Variants in CENPH observed in about 807,000 individuals in gnomAD.
CENPH encodes the protein centromere protein H.
A neutral mutation model predicts 42.9 loss-of-function variants in CENPH; 40 were observed. That is an observed-to-expected ratio of 0.93 (90% CI 0.72 to 1.21). CENPH has a LOEUF of 1.21. Ranked by LOEUF, CENPH falls within the 50% of genes most tolerant of loss-of-function variation. The pLI is 0.00. For missense variants in CENPH, 302 were observed against 292.9 expected, an observed-to-expected ratio of 1.03 and a Z score of -0.23; for synonymous variants, 88 against 96.5, an observed-to-expected ratio of 0.91 and a Z score of 0.52.
chr5:69,197,913 C>CTTT (rs1172938522), intron 5 of CENPH, among the ~76,000 whole-genome samples: 5 of 74,128 alleles, frequency 6.7e-5, no homozygotes, highest in Non-Finnish European at 9.6e-5. Flanking sequence ...TACCTATGAT[C>CTTT]TTTTTTTTTT....
At chr5:69,190,884 C>A (rs930939511) in intron 1 of CENPH, among the ~76,000 whole-genome samples, 1 of 150,920 alleles carries the variant, frequency 6.6e-6, no homozygotes, top group Non-Finnish European at 1.5e-5. Context: ...GAGCAAGACT[C>A]TTGACTCAAA....
chr5:69,195,041 C>G (rs1177691519), intron 3 of CENPH, among the ~76,000 whole-genome samples: 1 of 151,862 alleles, frequency 6.6e-6, no homozygotes, highest in African/African-American at 2.4e-5. Context: ...ACCAGCCTGA[C>G]CAACATGGAG....
chr5:69,204,075 T>G (rs1748107926), intron 7 of CENPH, among the ~76,000 whole-genome samples: 1 of 112,108 alleles, frequency 8.9e-6, no homozygotes, highest in Admixed American at 1.0e-4. Context: ...ATATATAATA[T>G]ATAAATATAT....
intron 2 of CENPH, among the ~76,000 whole-genome samples, 199 bp from the exon 3 acceptor site, chr5:69,194,448 A>C (rs573050785): frequency 2.0e-5 from 3 of 152,354 alleles, no homozygotes; most frequent in Non-Finnish European, 4.4e-5. Context: ...TAGTAATGTT[A>C]AACTGACTGC....
At chr5:69,193,219 GTGAC>G (rs1580223310) in intron 2 of CENPH, among the ~76,000 whole-genome samples, 2 of 151,884 alleles carry the variant, frequency 1.3e-5, no homozygotes, top group East Asian at 3.9e-4. Context: ...GTATATATAT[GTGAC>G]TGAGACTTTA....
chr5:69,191,420 G>A (rs1747869474), intron 1 of CENPH, among the ~76,000 whole-genome samples: 1 of 152,212 alleles, frequency 6.6e-6, no homozygotes, highest in East Asian at 1.9e-4. Flanking sequence ...CCTGAGGCAG[G>A]AGAATGGCGT....
intron 8 of CENPH, among the ~76,000 whole-genome samples, chr5:69,209,394 C>G (rs1406670044): frequency 1.3e-5 from 2 of 151,566 alleles, no homozygotes; most frequent in African/African-American, 4.8e-5. Context: ...AAAAATTAGC[C>G]GGGTGTGGTG....
intron 1 of CENPH, among the ~76,000 whole-genome samples, chr5:69,190,166 A>G (rs770920122): frequency 5.3e-5 from 8 of 152,156 alleles, no homozygotes; most frequent in Non-Finnish European, 1.0e-4. Context: ...GAAGCTTTAT[A>G]TGTTATAAAT....
chr5:69,206,340 C>T (rs1242237598), intron 7 of CENPH, among the ~76,000 whole-genome samples: 1 of 151,330 alleles, frequency 6.6e-6, no homozygotes, highest in Non-Finnish European at 1.5e-5. Flanking sequence ...CGCCACCACT[C>T]CCAGCTAATT....
intron 5 of CENPH, among the ~76,000 whole-genome samples, chr5:69,200,138 A>AC (rs1748034914): frequency 2.7e-5 from 4 of 150,198 alleles, no homozygotes; most frequent in African/African-American, 7.5e-5. Flanking sequence ...AAAAAACAGA[A>AC]AGGTCAAATA....
chr5:69,198,314 T>G (rs1470470898), intron 5 of CENPH, among the ~76,000 whole-genome samples: 14 of 151,980 alleles, frequency 9.2e-5, no homozygotes, highest in Non-Finnish European at 1.5e-5. Flanking sequence ...AAGCACTTTT[T>G]TTTTTTGGAG....
chr5:69,193,737 C>T (rs576894920), intron 2 of CENPH, among the ~76,000 whole-genome samples: 2 of 150,544 alleles, frequency 1.3e-5, no homozygotes, highest in South Asian at 2.1e-4. Flanking sequence ...TCTTAGCTCA[C>T]TGCAACCTCC....
chr5:69,191,946 G>A lies in CENPH; in HGVS notation c.190+96G>A, dbSNP rs1031386025. On this transcript the variant is annotated intron_variant, in intron 2 of 8. Transcript: ENST00000283006. ...ATCACCCAGGCTGTAATGTAGTGGC[G>A]CAGTCTCTGGTTTACTGCAGCCTCA... 28 of 685,234 alleles carry A rather than the reference G, an allele frequency of 4.1e-5. No individual in the cohort carries two copies. In the South Asian group the frequency reaches 4.6e-4, roughly 11 times the overall value. 42.4% of individuals were successfully genotyped at this position (685,234 alleles called of 1,614,324 possible).
intron 3 of CENPH, 123 bp from the exon 4 acceptor site, chr5:69,195,594 C>G: frequency 4.8e-6 from 3 of 618,986 alleles, no homozygotes; most frequent in Non-Finnish European, 8.7e-6. Context: ...TATATTGAGC[C>G]TGTAGAATAC....
intron 2 of CENPH, among the ~76,000 whole-genome samples, chr5:69,193,092 C>T (rs896834437): frequency 9.3e-5 from 14 of 151,012 alleles, no homozygotes; most frequent in Non-Finnish European, 1.9e-4. Flanking sequence ...AGCAAAACTC[C>T]GTCTCAAAAA....
At chr5:69,204,284 T>C (rs1012909611) in intron 7 of CENPH, among the ~76,000 whole-genome samples, 2 of 151,576 alleles carry the variant, frequency 1.3e-5, no homozygotes, top group Non-Finnish European at 2.9e-5. Flanking sequence ...ATAATCAGTC[T>C]TCAAAGCTTT....
rs777996630 is a variant in CENPH, at chr5:69,191,838, A to G, written c.178A>G (p.Met60Val). Residue 60 changes from methionine to valine, a missense_variant, in exon 2 of 9, where the codon ATG (methionine) becomes GTG (valine). Coordinates refer to ENST00000283006, the MANE Select transcript of CENPH (RefSeq NM_022909.4). ...ACAACAACTCTTAGAATATAAATCA[A>G]TGGTTGATGCAAGTAAGTATTTTCA... ...TKQQLLEYKS[M>V]VDASEEKTPE... 3 of 1,539,088 alleles carry G rather than the reference A, an allele frequency of 1.9e-6. No homozygotes were observed. In the African/African-American group the frequency reaches 4.1e-5, roughly 21 times the overall value.
chr5:69,200,719 C>CTTTTTTT (rs70992906), intron 5 of CENPH, among the ~76,000 whole-genome samples: 470 of 46,912 alleles, frequency 0.01, 98 homozygotes, highest in Non-Finnish European at 0.013. Flanking sequence ...ATCAGCGTAT[C>CTTTTTTT]TTTTTTTTTT....
chr5:69,196,371 G>A (rs570765567), intron 4 of CENPH, among the ~76,000 whole-genome samples: 4 of 152,332 alleles, frequency 2.6e-5, no homozygotes, highest in Admixed American at 1.3e-4. Flanking sequence ...CTGGCTGGGC[G>A]CGGTGGCTCG....
Sources: allele counts gnomAD v4.1 joint callset (sites outside exome capture counted in the v4.1 genomes callset), GRCh38; gene constraint gnomAD v4.1.1; transcripts MANE v1.5; gene names NCBI Gene and HGNC (gene_info 2026-07-23, HGNC 2026-07-21).